XPR1: variants seen among roughly 807,000 people sequenced by gnomAD.
XPR1 encodes the protein xenotropic and polytropic retrovirus receptor 1, also known as solute carrier family 53 member 1.
XPR1 carries 28 observed loss-of-function variants against 87.5 expected under a neutral mutation model. The ratio of observed to expected loss-of-function variants is 0.32; its 90% CI spans 0.24 to 0.44. The LOEUF is 0.44. XPR1 is among the 20% of genes least tolerant of loss of function. XPR1 has a pLI of 1.00. For missense variants in XPR1, 559 were observed against 862.3 expected (o/e 0.65, Z 4.41); for synonymous variants, 300 against 306.1 (o/e 0.98, Z 0.21).
At chr1:180,850,961 T>TAAA (rs34627089) in intron 11 of XPR1, among the ~76,000 whole-genome samples, 37 of 139,386 alleles carry the variant, frequency 2.7e-4, no homozygotes, top group African/African-American at 9.2e-4. Flanking sequence ...CCTGTGTCTT[T>TAAA]AAAAAAAAAA....
intron 11 of XPR1, among the ~76,000 whole-genome samples, chr1:180,840,532 T>TTGTGTGTGTGTGTGTGTG (rs373937004): frequency 1.4e-4 from 15 of 110,436 alleles, no homozygotes; most frequent in South Asian, 6.5e-4. Flanking sequence ...GTTAACATAT[T>TTGTGTGTGTGTGTGTGTG]TGTGTGTGTG....
chr1:180,684,750 A>G (rs909829588), intron 2 of XPR1, among the ~76,000 whole-genome samples: 13 of 152,280 alleles, frequency 8.5e-5, no homozygotes, highest in South Asian at 2.1e-4. Context: ...CTTTGAAGCA[A>G]TGGTGAATGG....
intron 11 of XPR1, among the ~76,000 whole-genome samples, chr1:180,839,811 A>C (rs1651439735): frequency 6.6e-6 from 1 of 152,222 alleles, no homozygotes; most frequent in South Asian, 2.1e-4. Flanking sequence ...CTGGATGGTA[A>C]ATTGTGAAAA....
chr1:180,653,522 G>A (rs967305915), intron 1 of XPR1, among the ~76,000 whole-genome samples: 2 of 151,850 alleles, frequency 1.3e-5, no homozygotes, highest in Non-Finnish European at 2.9e-5. Flanking sequence ...GCAAGGTACA[G>A]TAGTCCCCCC....
chr1:180,670,601 G>T (rs1400737972), intron 1 of XPR1, among the ~76,000 whole-genome samples: 1 of 152,116 alleles, frequency 6.6e-6, no homozygotes, highest in Non-Finnish European at 1.5e-5. Context: ...GAATGTGTTA[G>T]ACTCTTAAAT....
At chr1:180,642,440 A>G (rs1358304299) in intron 1 of XPR1, among the ~76,000 whole-genome samples, 1 of 152,144 alleles carries the variant, frequency 6.6e-6, no homozygotes, top group African/African-American at 2.4e-5. Context: ...AAAATAATAA[A>G]ACAATAATGA....
chr1:180,690,844 T>C (rs893054685), intron 2 of XPR1, among the ~76,000 whole-genome samples: 1 of 151,462 alleles, frequency 6.6e-6, no homozygotes, highest in African/African-American at 2.4e-5. Flanking sequence ...AGTGAATCCT[T>C]TTCCTCAATT....
At chr1:180,809,702 G>A (rs186560502) in intron 6 of XPR1, among the ~76,000 whole-genome samples, 84 of 152,224 alleles carry the variant, frequency 5.5e-4, no homozygotes, top group Non-Finnish European at 1.3e-4. Context: ...GATCAGGGAG[G>A]AATAGGGAAT....
intron 1 of XPR1, among the ~76,000 whole-genome samples, chr1:180,649,533 G>C (rs192612267): frequency 6.6e-6 from 1 of 152,344 alleles, no homozygotes; most frequent in East Asian, 1.9e-4. Context: ...AATGCTCTGT[G>C]TTGTGGACAG....
chr1:180,814,895 G>T (rs973864179), intron 7 of XPR1, among the ~76,000 whole-genome samples: 17 of 152,102 alleles, frequency 1.1e-4, no homozygotes, highest in African/African-American at 4.1e-4. Context: ...GTTGGCCTGG[G>T]GTGGGGATGG....
chr1:180,711,626 G>C (rs1012159150), intron 2 of XPR1, among the ~76,000 whole-genome samples: 5 of 151,166 alleles, frequency 3.3e-5, no homozygotes, highest in Non-Finnish European at 5.9e-5. Context: ...GGGAGAGGGG[G>C]GAGAGTTCTT....
intron 2 of XPR1, among the ~76,000 whole-genome samples, chr1:180,706,756 T>A (rs988450852): frequency 3.3e-5 from 5 of 152,014 alleles, no homozygotes; most frequent in African/African-American, 1.2e-4. Context: ...GGATTACAGG[T>A]GCAAGCCACC....
chr1:180,770,494 A>C (rs1422725942), intron 2 of XPR1, among the ~76,000 whole-genome samples: 1 of 152,150 alleles, frequency 6.6e-6, no homozygotes, highest in Non-Finnish European at 1.5e-5. Flanking sequence ...CCCCACCTCC[A>C]AATCTCATCA....
chr1:180,748,712 C>T (rs574375705), intron 2 of XPR1, among the ~76,000 whole-genome samples: 37 of 152,062 alleles, frequency 2.4e-4, no homozygotes, highest in Admixed American at 6.5e-4. Context: ...CCACCGTGCT[C>T]GGCCATTTAT....
rs1653141719 is a variant in XPR1 at position 180,890,055 on chromosome 1, G to C, written c.*5989G>C. The C allele has an allele frequency of 6.6e-6, 1 of 152,062 alleles. No homozygotes were observed. Among genetic ancestry groups the C allele is most frequent in the African/African-American group, 2.4e-5 (1 of 41,390 alleles). The allele number at this position is 152,062 out of a possible 1,614,324, so 9.4% of individuals were successfully genotyped here. On this transcript the variant is annotated 3_prime_UTR_variant, in exon 15 of 15. Transcript: ENST00000367590. Reference sequence around the variant, plus strand: ...GCTGTCTCCTTTTTCCTTCCTATATGGGTAGAATTCTTATGACTTATGAAG... The same window carrying C: ...GCTGTCTCCTTTTTCCTTCCTATATCGGTAGAATTCTTATGACTTATGAAG...
At chr1:180,650,902 G>T (rs1170489251) in intron 1 of XPR1, among the ~76,000 whole-genome samples, 1 of 152,126 alleles carries the variant, frequency 6.6e-6, no homozygotes, top group Non-Finnish European at 1.5e-5. Flanking sequence ...TAAGGGCCTG[G>T]CCTGTAGAAT....
chr1:180,805,647 C>G (rs1649965150), intron 4 of XPR1, among the ~76,000 whole-genome samples: 1 of 152,140 alleles, frequency 6.6e-6, no homozygotes, highest in South Asian at 2.1e-4. Flanking sequence ...AAATAAAGAA[C>G]TAAATAAATG....
intron 2 of XPR1, among the ~76,000 whole-genome samples, chr1:180,717,933 A>G (rs1026929658): frequency 6.6e-6 from 1 of 152,212 alleles, no homozygotes; most frequent in African/African-American, 2.4e-5. Context: ...CCAACCCAAT[A>G]GTTACATTTA....
intron 2 of XPR1, among the ~76,000 whole-genome samples, chr1:180,682,697 T>C (rs1474422219): frequency 1.3e-5 from 2 of 152,074 alleles, no homozygotes; most frequent in African/African-American, 2.4e-5. Context: ...TAATGCTTCC[T>C]TGCCTTCCCT....
Sources: gnomAD v4.1 joint callset for allele counts (sites outside exome capture counted in the v4.1 genomes callset) on GRCh38, gnomAD v4.1.1 for gene constraint, MANE v1.5 for transcripts, NCBI Gene and HGNC (gene_info 2026-07-23, HGNC 2026-07-21) for gene names.